The following LHFPL3 variants were observed in gnomAD, a reference collection of about 807,000 sequenced individuals.
The protein encoded by LHFPL3 is LHFPL tetraspan subfamily member 3 protein.
LHFPL3 carries 5 observed loss-of-function variants against 19.3 expected under a neutral mutation model. That is an observed-to-expected ratio of 0.26 (90% confidence interval 0.14 to 0.54). LHFPL3 has a LOEUF of 0.54. Ranked by LOEUF, LHFPL3 falls within the 20% of genes least tolerant of loss-of-function variation. The pLI is 0.94. For missense variants in LHFPL3, 249 were observed against 307.4 expected (o/e 0.81, Z 1.42); for synonymous variants, 133 against 126.2 (o/e 1.05, Z -0.36).
chr7:104,704,264 GCA>G (rs1250229042), intron 1 of LHFPL3, among the ~76,000 whole-genome samples: 1 of 152,150 alleles, frequency 6.6e-6, no homozygotes, highest in Non-Finnish European at 1.5e-5. Flanking sequence ...TAATAACACA[GCA>G]CTGCCTTTCT....
At chr7:104,810,127 G>C (rs1461298062) in intron 2 of LHFPL3, among the ~76,000 whole-genome samples, 14 of 152,214 alleles carry the variant, frequency 9.2e-5, no homozygotes, top group Admixed American at 9.2e-4. Flanking sequence ...CTCAGAGAGA[G>C]CATGGGCACA....
intron 2 of LHFPL3, among the ~76,000 whole-genome samples, chr7:104,894,219 A>C (rs28587189): frequency 0.067 from 10,221 of 152,260 alleles, 873 homozygotes; most frequent in East Asian, 0.44. Flanking sequence ...TGTCATTGTT[A>C]AAATAGCATT....
chr7:104,402,987 G>A (rs1195476539), intron 1 of LHFPL3, among the ~76,000 whole-genome samples: 2 of 152,124 alleles, frequency 1.3e-5, no homozygotes, highest in East Asian at 1.9e-4. Context: ...ATTCTCACTC[G>A]TAAGTTGGAG....
At chr7:104,457,444 C>T (rs1562903387) in intron 1 of LHFPL3, among the ~76,000 whole-genome samples, 1 of 152,112 alleles carries the variant, frequency 6.6e-6, no homozygotes, top group Non-Finnish European at 1.5e-5. Context: ...AGGACATGAA[C>T]TCATCATTTT....
At chr7:104,540,242 T>TAA (rs201163668) in intron 1 of LHFPL3, among the ~76,000 whole-genome samples, 1 of 147,930 alleles carries the variant, frequency 6.8e-6, no homozygotes, top group African/African-American at 2.5e-5. Context: ...AGGAAAGTAA[T>TAA]AAAAAAAAAA....
In LHFPL3 at chr7:104,852,736, C is replaced by A. The variant is rs555559324; in HGVS notation, c.683-53451C>A. Among the ~76,000 whole-genome samples, 6 of 152,312 alleles carry A rather than the reference C, an allele frequency of 3.9e-5. No homozygotes were observed. In the East Asian group the frequency reaches 1.2e-3, roughly 29 times the overall value. On this transcript the variant is annotated intron_variant, in intron 2 of 2. Transcript: ENST00000424859. Reference sequence around the variant, plus strand: ...GTCTTGACATTGTTAATAGTCGTATCTTTGAATGTGTGTTTTGTAAGTGAA... The same window carrying A: ...GTCTTGACATTGTTAATAGTCGTATATTTGAATGTGTGTTTTGTAAGTGAA...
chr7:104,589,584 G>A (rs938086724), intron 1 of LHFPL3, among the ~76,000 whole-genome samples: 1 of 151,896 alleles, frequency 6.6e-6, no homozygotes, highest in Admixed American at 6.6e-5. Flanking sequence ...TTTTTTTGTT[G>A]TGTCTCTGCC....
At chr7:104,351,948 C>T (rs895135138) in intron 1 of LHFPL3, among the ~76,000 whole-genome samples, 1 of 151,938 alleles carries the variant, frequency 6.6e-6, no homozygotes, top group Non-Finnish European at 1.5e-5. Flanking sequence ...CCTGTAACCC[C>T]AAAGCTTTGG....
rs149123911 is a variant in LHFPL3, at chr7:104,704,329, G to A, written c.446-32346G>A. 3.3e-5 allele frequency among the ~76,000 whole-genome samples: 5 copies of A among 152,102 alleles called. No individual in the cohort carries two copies. In the East Asian group the frequency reaches 7.7e-4, roughly 23 times the overall value. On this transcript the variant is annotated intron_variant, in intron 1 of 2. Coordinates refer to ENST00000424859, the MANE Select transcript of LHFPL3 (RefSeq NM_199000.3). ...TAGACTGCTTCAAAATTTTAGTTCC[G>A]GGATATTATTTTCCCTTTTAGTATG...
At chr7:104,603,182 T>C (rs140315216) in intron 1 of LHFPL3, among the ~76,000 whole-genome samples, 9 of 109,996 alleles carry the variant, frequency 8.2e-5, no homozygotes, top group African/African-American at 2.1e-4. Flanking sequence ...TTTCTTTCTT[T>C]CTTCCTTTCT....
At chr7:104,433,106 C>T (rs1584316944) in intron 1 of LHFPL3, among the ~76,000 whole-genome samples, 2 of 152,242 alleles carry the variant, frequency 1.3e-5, no homozygotes, top group Middle Eastern at 6.8e-3. Context: ...GAAATTAAAA[C>T]TGAGACTTTT....
intron 1 of LHFPL3, among the ~76,000 whole-genome samples, chr7:104,552,904 A>G (rs1282824905): frequency 6.6e-6 from 1 of 152,140 alleles, no homozygotes; most frequent in Non-Finnish European, 1.5e-5. Context: ...GCCTTTTACT[A>G]GTTGTGTGAC....
At chr7:104,697,917 C>T (rs1340542096) in intron 1 of LHFPL3, among the ~76,000 whole-genome samples, 3 of 152,154 alleles carry the variant, frequency 2.0e-5, no homozygotes, top group Admixed American at 2.0e-4. Flanking sequence ...GTTTTGTCTT[C>T]TATGACTTTC....
intron 1 of LHFPL3, among the ~76,000 whole-genome samples, chr7:104,535,139 T>G (rs1188872047): frequency 1.3e-5 from 2 of 152,224 alleles, no homozygotes; most frequent in African/African-American, 4.8e-5. Context: ...GGTATACATA[T>G]TTCTCTGATT....
intron 1 of LHFPL3, among the ~76,000 whole-genome samples, chr7:104,521,722 C>T (rs1365859794): frequency 4.5e-4 from 68 of 152,182 alleles, no homozygotes; most frequent in South Asian, 1.2e-3. Flanking sequence ...AAAAAGTGGT[C>T]GAAGGACATG....
intron 1 of LHFPL3, among the ~76,000 whole-genome samples, chr7:104,416,931 C>T (rs1342358075): frequency 6.6e-6 from 1 of 152,144 alleles, no homozygotes; most frequent in Non-Finnish European, 1.5e-5. Flanking sequence ...GGAGGCCAAA[C>T]TCATCTTTTC....
At chr7:104,576,796 G>A (rs1790347440) in intron 1 of LHFPL3, among the ~76,000 whole-genome samples, 1 of 152,124 alleles carries the variant, frequency 6.6e-6, no homozygotes, top group African/African-American at 2.4e-5. Flanking sequence ...AACAAATCCT[G>A]GGATATGTTA....
intron 1 of LHFPL3, among the ~76,000 whole-genome samples, chr7:104,700,581 CT>C (rs1309951081): frequency 6.6e-6 from 1 of 152,130 alleles, no homozygotes; most frequent in Non-Finnish European, 1.5e-5. Context: ...TCTGAACTGC[CT>C]TTTCATTAAT....
At chr7:104,762,175 C>T (rs1019613892) in intron 2 of LHFPL3, among the ~76,000 whole-genome samples, 11 of 151,970 alleles carry the variant, frequency 7.2e-5, no homozygotes, top group Admixed American at 3.3e-4. Context: ...ATCCAGGACC[C>T]GAGACAAAGA....
Sources: gnomAD v4.1 joint callset for allele counts (sites outside exome capture counted in the v4.1 genomes callset) on GRCh38, gnomAD v4.1.1 for gene constraint, MANE v1.5 for transcripts, NCBI Gene and HGNC (gene_info 2026-07-23, HGNC 2026-07-21) for gene names.